The following JAZF1 variants were observed in gnomAD, a reference collection of about 807,000 sequenced individuals.
The protein encoded by JAZF1 is juxtaposed with another zinc finger protein 1.
JAZF1 carries 8 observed loss-of-function variants against 26.4 expected under a neutral mutation model. That is an observed-to-expected ratio of 0.30 (90% confidence interval 0.18 to 0.55). JAZF1 has a LOEUF of 0.55. Among genes scored for constraint, JAZF1 ranks in the 20% least tolerant of loss-of-function variants. The pLI is 0.94. For synonymous variants in JAZF1, 126 were observed against 122.3 expected, an observed-to-expected ratio of 1.03 and a Z score of -0.20; for missense variants, 199 against 322.0, an observed-to-expected ratio of 0.62 and a Z score of 2.92.
intron 3 of JAZF1, among the ~76,000 whole-genome samples, chr7:27,846,010 G>A (rs183241448): frequency 2.0e-4 from 30 of 152,054 alleles, no homozygotes; most frequent in African/African-American, 7.2e-4. Flanking sequence ...CTCCCCATAC[G>A]TTCCTGCTTG....
chr7:28,038,634 A>G (rs1484490567), intron 1 of JAZF1, among the ~76,000 whole-genome samples: 1 of 152,218 alleles, frequency 6.6e-6, no homozygotes, highest in Non-Finnish European at 1.5e-5. Flanking sequence ...TCACATAACT[A>G]AAATTCCAAA....
At chr7:27,911,073 T>C (rs1784352636) in intron 2 of JAZF1, among the ~76,000 whole-genome samples, 1 of 152,218 alleles carries the variant, frequency 6.6e-6, no homozygotes, top group East Asian at 1.9e-4. Context: ...ATGCACAGAA[T>C]TGCTCAGAAC....
At chr7:27,912,500 TCTCA>T (rs929512025) in intron 2 of JAZF1, among the ~76,000 whole-genome samples, 19 of 152,134 alleles carry the variant, frequency 1.2e-4, no homozygotes, top group Middle Eastern at 3.4e-3. Context: ...AGTCCGAAAC[TCTCA>T]CTGACTTCAG....
At chr7:28,062,838 G>A (rs1005997835) in intron 1 of JAZF1, among the ~76,000 whole-genome samples, 3 of 152,028 alleles carry the variant, frequency 2.0e-5, no homozygotes, top group African/African-American at 7.2e-5. Flanking sequence ...TTCCTTTGTG[G>A]TTTTTGTCTC....
chr7:28,161,257 T>TAAAAAAAAAAAAAAAAAAAA lies in JAZF1; in HGVS notation c.115+19186_115+19205dup, dbSNP rs10630786. 2.6e-5 allele frequency among the ~76,000 whole-genome samples: 2 copies of TAAAAAAAAAAAAAAAAAAAA among 77,180 alleles called. 1 individual carries two copies. The highest frequency in any genetic ancestry group is 4.8e-5 in the Non-Finnish European group (2 of 42,026). The allele number at this position is 77,180 out of a possible 152,430, so 50.6% of individuals were successfully genotyped here. A position where few individuals can be genotyped will look rare whatever the true frequency, so the allele number is the denominator to read the frequency against. Reference sequence around the variant, plus strand: ...TTTTAACTTGAAAAATCCTTTAATCTAAAAAAAAAAAAAAAAAAAAAAAAG... The same window carrying TAAAAAAAAAAAAAAAAAAAA: ...TTTTAACTTGAAAAATCCTTTAATCTAAAAAAAAAAAAAAAAAAAAAAAAAAAAAAAAAAAAAAAAAAAAG... On this transcript the variant is annotated intron_variant, in intron 1 of 4. Transcript: ENST00000283928.
rs546111309 is a variant in JAZF1 at position 28,171,682 on chromosome 7, TAAAC to T, written c.115+8777_115+8780del. Among the ~76,000 whole-genome samples, 281 of 152,330 alleles carry T rather than the reference TAAAC, an allele frequency of 1.8e-3. 1 individual carries two copies. The highest frequency in any genetic ancestry group is 6.4e-3 in the African/African-American group (267 of 41,562). On this transcript the variant is annotated intron_variant, in intron 1 of 4. Coordinates refer to ENST00000283928, the MANE Select transcript of JAZF1 (RefSeq NM_175061.4). ...AAAATATTTCTGTTTTATACCAATA[TAAAC>T]AAACACTCTAGTTCATATTTCACTA...
At position 28,071,814 on chromosome 7, in the gene JAZF1, C is replaced by T. The variant is rs146747671; in HGVS notation, c.116-79833G>A. The T allele has an allele frequency of 1.2e-4, 43 of 346,792 alleles. No homozygotes were observed. The East Asian group carries it at 2.8e-3, about 23-fold the overall frequency. 21.5% of individuals were successfully genotyped at this position (346,792 alleles called of 1,614,324 possible). A position where few individuals can be genotyped will look rare whatever the true frequency, so the allele number is the denominator to read the frequency against. On this transcript the variant is annotated intron_variant, in intron 1 of 4. Transcript: ENST00000283928. The stretch of plus-strand genomic sequence containing the variant: ...CTGCTTTCGATTTGCATTATTACTG[C>T]TCGGGTTCAGGAGAGATCCTGCTGT...
chr7:28,102,153 G>C (rs1784482118), intron 1 of JAZF1, among the ~76,000 whole-genome samples: 1 of 152,204 alleles, frequency 6.6e-6, no homozygotes, highest in Admixed American at 6.5e-5. Context: ...CAGCTGGAGG[G>C]ACAGCTTAGC....
intron 1 of JAZF1, among the ~76,000 whole-genome samples, chr7:28,094,563 A>T (rs1183279057): frequency 6.6e-6 from 1 of 152,060 alleles, no homozygotes; most frequent in African/African-American, 2.4e-5. Flanking sequence ...TCTGTCTCCA[A>T]ACTGTCATCT....
chr7:28,055,086 A>G (rs1783681760), intron 1 of JAZF1, among the ~76,000 whole-genome samples: 1 of 152,110 alleles, frequency 6.6e-6, no homozygotes, highest in South Asian at 2.1e-4. Context: ...GACTTTGAGA[A>G]ATTAAATTTT....
Position 28,170,456 on chromosome 7 carries a change from C to T in JAZF1, c.115+10007G>A, listed in dbSNP as rs572848623. Among the ~76,000 whole-genome samples the T allele has an allele frequency of 2.1e-5, 3 of 146,316 alleles. No homozygotes were observed. In the South Asian group the frequency reaches 6.7e-4, roughly 32 times the overall value. On this transcript the variant is annotated intron_variant, in intron 1 of 4. Transcript: ENST00000283928. ...ATTGTGTTTGTCAGGAGAACCTATC[C>T]CTAAATGATCATCAGCGAGAGAGAG...
chr7:27,894,128 C>T (rs764753323), intron 3 of JAZF1, among the ~76,000 whole-genome samples: 9 of 152,170 alleles, frequency 5.9e-5, no homozygotes, highest in Non-Finnish European at 1.2e-4. Flanking sequence ...CCCTAGAATG[C>T]CAATATCCTC....
chr7:27,895,950 T>C (rs763982368), intron 2 of JAZF1, among the ~76,000 whole-genome samples: 1 of 152,214 alleles, frequency 6.6e-6, no homozygotes, highest in African/African-American at 2.4e-5. Flanking sequence ...AAACTTTTCT[T>C]GGCTAATTGA....
At chr7:27,979,033 C>T (rs1785527072) in intron 2 of JAZF1, among the ~76,000 whole-genome samples, 1 of 151,998 alleles carries the variant, frequency 6.6e-6, no homozygotes, top group Non-Finnish European at 1.5e-5. Context: ...ATGTCAACAG[C>T]AAATACTAGG....
intron 1 of JAZF1, among the ~76,000 whole-genome samples, chr7:28,094,072 T>A (rs895474044): frequency 6.6e-6 from 1 of 152,152 alleles, no homozygotes; most frequent in African/African-American, 2.4e-5. Context: ...TTTCAGACAG[T>A]GATAAATGTC....
chr7:28,072,172 A>C (rs1346642952), intron 1 of JAZF1, among the ~76,000 whole-genome samples: 1 of 152,226 alleles, frequency 6.6e-6, no homozygotes, highest in Non-Finnish European at 1.5e-5. Context: ...TTTGCACCTT[A>C]ACCTTGCATC....
At chr7:28,059,579 T>C (rs957806488) in intron 1 of JAZF1, among the ~76,000 whole-genome samples, 4 of 152,198 alleles carry the variant, frequency 2.6e-5, no homozygotes, top group Non-Finnish European at 5.9e-5. Context: ...CCACTTTATT[T>C]TTTGTCCCTT....
At chr7:28,076,964 T>G (rs2127913569) in intron 1 of JAZF1, among the ~76,000 whole-genome samples, 1 of 152,280 alleles carries the variant, frequency 6.6e-6, no homozygotes, top group South Asian at 2.1e-4. Context: ...GATCTTAGTG[T>G]GTAGACGACA....
chr7:28,079,723 A>G (rs995999272), intron 1 of JAZF1, among the ~76,000 whole-genome samples: 9 of 152,346 alleles, frequency 5.9e-5, no homozygotes, highest in East Asian at 1.9e-4. Context: ...TGTACTCACT[A>G]TGTAGTAGGC....
Sources: gnomAD v4.1 joint callset for allele counts (sites outside exome capture counted in the v4.1 genomes callset) on GRCh38, gnomAD v4.1.1 for gene constraint, MANE v1.5 for transcripts, NCBI Gene and HGNC (gene_info 2026-07-23, HGNC 2026-07-21) for gene names.